The following CAMK2D variants were observed in gnomAD, a reference collection of about 807,000 sequenced individuals.
The protein encoded by CAMK2D is calcium/calmodulin-dependent protein kinase type II subunit delta.
A neutral mutation model predicts 84.0 loss-of-function variants in CAMK2D; 37 were observed. That is an observed-to-expected ratio of 0.44 (90% CI 0.34 to 0.58). The LOEUF (loss-of-function observed/expected upper bound fraction) is 0.58. CAMK2D is among the 20% of genes least tolerant of loss of function. CAMK2D has a pLI of 0.02. For synonymous variants in CAMK2D, 202 were observed against 212.5 expected (o/e 0.95, Z 0.43); for missense variants, 448 against 652.5 (o/e 0.69, Z 3.41).
intron 2 of CAMK2D, among the ~76,000 whole-genome samples, chr4:113,756,476 A>G (rs1394435480): frequency 6.6e-6 from 1 of 152,010 alleles, no homozygotes; most frequent in African/African-American, 2.4e-5. Context: ...ACTCTCAAAA[A>G]TCAGTACCTT....
chr4:113,710,912 T>C (rs544026934), intron 2 of CAMK2D, among the ~76,000 whole-genome samples: 1 of 152,312 alleles, frequency 6.6e-6, no homozygotes, highest in South Asian at 2.1e-4. Flanking sequence ...GTTTCTCTAA[T>C]GCATGTCTTC....
At chr4:113,747,502 G>A (rs1303554450) in intron 2 of CAMK2D, among the ~76,000 whole-genome samples, 3 of 151,936 alleles carry the variant, frequency 2.0e-5, no homozygotes, top group African/African-American at 7.3e-5. Flanking sequence ...AGTTAATAAT[G>A]TCAGTACCAT....
At chr4:113,572,387 G>A (rs532391467) in intron 4 of CAMK2D, among the ~76,000 whole-genome samples, 9 of 151,880 alleles carry the variant, frequency 5.9e-5, no homozygotes, top group Middle Eastern at 6.8e-3. Context: ...CACAGGAAAG[G>A]ATGCTTAAAG....
rs117010259 is a variant in CAMK2D, at chr4:113,576,189, C to T, written c.276-24093G>A. ...TAGATGGGACTACAGAAATGAGCTG[C>T]CACGCCTGGCCCCTGAAAATATTTT... On this transcript the variant is annotated intron_variant, in intron 4 of 20. Coordinates refer to ENST00000511664, the MANE Select transcript of CAMK2D (RefSeq NM_001321571.2). Among the ~76,000 whole-genome samples the T allele has an allele frequency of 9.7e-4, 148 of 152,214 alleles. 1 individual carries two copies. The East Asian group carries it at 0.024, about 25-fold the overall frequency.
chr4:113,521,133 A>AAGAT (rs1381664111), intron 8 of CAMK2D, among the ~76,000 whole-genome samples: 22 of 152,206 alleles, frequency 1.4e-4, no homozygotes, highest in Admixed American at 2.0e-4. Context: ...TCATATAGGA[A>AAGAT]AGATAGGCTA....
intron 2 of CAMK2D, among the ~76,000 whole-genome samples, chr4:113,708,671 G>T (rs766246829): frequency 4.6e-5 from 7 of 152,044 alleles, no homozygotes; most frequent in Non-Finnish European, 1.0e-4. Context: ...TCATAAATGT[G>T]CTATCAAACT....
rs144526649 is a variant in CAMK2D, at chr4:113,749,673, C to A, written c.160+9647G>T. Among the ~76,000 whole-genome samples, 364 of 152,130 alleles carry A rather than the reference C, an allele frequency of 2.4e-3. 5 individuals carry two copies. Among genetic ancestry groups the A allele is most frequent in the East Asian group, 0.014 (71 of 5,184 alleles). On this transcript the variant is annotated intron_variant, in intron 2 of 20. Coordinates refer to ENST00000511664, the MANE Select transcript of CAMK2D (RefSeq NM_001321571.2). ...GAATTATTAAAGTGGTGCTGATGGACACACAGACCATGAAAATGTTAGCCC... is the reference window on the plus strand; with the variant it reads ...GAATTATTAAAGTGGTGCTGATGGAAACACAGACCATGAAAATGTTAGCCC...
intron 2 of CAMK2D, among the ~76,000 whole-genome samples, chr4:113,683,874 A>G (rs1344175649): frequency 1.3e-5 from 2 of 152,232 alleles, no homozygotes; most frequent in African/African-American, 4.8e-5. Flanking sequence ...GTGCAACACA[A>G]TATAGTAGTT....
At position 113,508,431 on chromosome 4, in the gene CAMK2D, T is replaced by C. The variant is rs1039951779; in HGVS notation, c.984+1207A>G. Among the ~76,000 whole-genome samples the C allele has an allele frequency of 4.6e-5, 7 of 152,198 alleles. No homozygotes were observed. In the East Asian group the frequency reaches 9.6e-4, roughly 21 times the overall value. On this transcript the variant is annotated intron_variant, in intron 13 of 20. Coordinates refer to ENST00000511664, the MANE Select transcript of CAMK2D (RefSeq NM_001321571.2). ...AATGCGTTCTATGTAAGGATAGTAATGAAAATAAATATCTCAATAGGAACT... is the reference window on the plus strand; with the variant it reads ...AATGCGTTCTATGTAAGGATAGTAACGAAAATAAATATCTCAATAGGAACT...
At chr4:113,698,542 C>T (rs895637707) in intron 2 of CAMK2D, among the ~76,000 whole-genome samples, 1 of 152,072 alleles carries the variant, frequency 6.6e-6, no homozygotes, top group African/African-American at 2.4e-5. Flanking sequence ...TATTATCTTA[C>T]ACACTTTTAT....
chr4:113,759,545 A>T, intron 1 of CAMK2D, 131 bp from the exon 2 acceptor site: 2 of 451,038 alleles, frequency 4.4e-6, no homozygotes, highest in Non-Finnish European at 7.6e-6. Context: ...GTAAATGAAC[A>T]ATTCTTCCTG....
chr4:113,655,629 G>A (rs1473059373), intron 3 of CAMK2D, among the ~76,000 whole-genome samples: 3 of 152,038 alleles, frequency 2.0e-5, no homozygotes, highest in African/African-American at 7.2e-5. Flanking sequence ...GTAAACACAA[G>A]TCTTTAGGGA....
chr4:113,492,641 G>A (rs1176276908), intron 16 of CAMK2D, among the ~76,000 whole-genome samples: 3 of 151,044 alleles, frequency 2.0e-5, no homozygotes, highest in African/African-American at 7.4e-5. Context: ...GGAGAGTTCT[G>A]TAGATGTCTA....
At chr4:113,584,338 G>A (rs1037095857) in intron 4 of CAMK2D, among the ~76,000 whole-genome samples, 5 of 152,162 alleles carry the variant, frequency 3.3e-5, no homozygotes, top group Non-Finnish European at 7.3e-5. Context: ...CGGTTTCAAA[G>A]CCCGAAGGCT....
At chr4:113,592,427 C>A (rs1378447330) in intron 4 of CAMK2D, among the ~76,000 whole-genome samples, 1 of 152,172 alleles carries the variant, frequency 6.6e-6, no homozygotes, top group Non-Finnish European at 1.5e-5. Flanking sequence ...GCAATTCTAG[C>A]CTCTTTCAAG....
At chr4:113,610,889 C>T (rs145007088) in intron 3 of CAMK2D, among the ~76,000 whole-genome samples, 2 of 152,230 alleles carry the variant, frequency 1.3e-5, no homozygotes, top group East Asian at 3.9e-4. Flanking sequence ...ACCAATACTG[C>T]CCAACAGGAA....
chr4:113,760,942 G>A, intron 1 of CAMK2D, 62 bp downstream of exon 1: 3 of 1,606,496 alleles, frequency 1.9e-6, no homozygotes, highest in Non-Finnish European at 2.6e-6. Flanking sequence ...GGTGGGTCGG[G>A]GGCAACGCGA....
chr4:113,542,618 G>A (rs2098538027), intron 6 of CAMK2D, among the ~76,000 whole-genome samples: 1 of 152,088 alleles, frequency 6.6e-6, no homozygotes, highest in South Asian at 2.1e-4. Context: ...GGGAGGCTGA[G>A]GCAGGAGAAT....
At chr4:113,522,376 TG>T (rs2098372018) in intron 8 of CAMK2D, among the ~76,000 whole-genome samples, 1 of 152,236 alleles carries the variant, frequency 6.6e-6, no homozygotes, top group South Asian at 2.1e-4. Flanking sequence ...GTGATAAGTA[TG>T]GCTCTCTCTT....
Sources: allele counts gnomAD v4.1 joint callset (sites outside exome capture counted in the v4.1 genomes callset), GRCh38; gene constraint gnomAD v4.1.1; transcripts MANE v1.5; gene names NCBI Gene and HGNC (gene_info 2026-07-23, HGNC 2026-07-21).